PREX2: variants seen among roughly 807,000 people sequenced by gnomAD.
The protein encoded by PREX2 is phosphatidylinositol 3,4,5-trisphosphate-dependent Rac exchanger 2 protein.
PREX2 carries 107 observed loss-of-function variants against 203.2 expected under a neutral mutation model. The observed-to-expected ratio is 0.53, with a 90% CI of 0.45 to 0.62. PREX2 has a LOEUF of 0.62. Among genes scored for constraint, PREX2 ranks in the 20% least tolerant of loss-of-function variants. The pLI is 0.00. For synonymous variants in PREX2, 672 were observed against 663.6 expected (o/e 1.01, Z -0.19); for missense variants, 1,777 against 1,955.9 (o/e 0.91, Z 1.72).
At chr8:68,151,522 C>T (rs1019108705) in intron 34 of PREX2, among the ~76,000 whole-genome samples, 2 of 152,124 alleles carry the variant, frequency 1.3e-5, no homozygotes, top group Non-Finnish European at 2.9e-5. Context: ...ATGTTAAGCA[C>T]GGTCATTTCT....
intron 8 of PREX2, among the ~76,000 whole-genome samples, chr8:68,046,632 A>G (rs1238869830): frequency 6.6e-6 from 1 of 152,132 alleles, no homozygotes; most frequent in African/African-American, 2.4e-5. Flanking sequence ...TAGTTGTCCT[A>G]TGGAACCTCT....
intron 30 of PREX2, among the ~76,000 whole-genome samples, chr8:68,126,536 T>C (rs995604074): frequency 6.6e-5 from 10 of 152,120 alleles, no homozygotes; most frequent in Admixed American, 3.9e-4. Flanking sequence ...TCAGTCTCAC[T>C]TGTAAAATGT....
chr8:67,987,896 A>G (rs948764687), intron 1 of PREX2, among the ~76,000 whole-genome samples: 10 of 143,600 alleles, frequency 7.0e-5, no homozygotes, highest in Non-Finnish European at 1.1e-4. Flanking sequence ...TTCCTCAGGA[A>G]TTGTGGCAGC....
rs1006324502 is a variant in PREX2, at chr8:68,157,894, T to C, written c.4346+458T>C. ...CTTGGTATTGGAAAAATATGTACTT[T>C]CAAATGTGTCCCTTAATGCTTGCAT... On this transcript the variant is annotated intron_variant, in intron 35 of 39. Transcript: ENST00000288368. Among the ~76,000 whole-genome samples, 22 of 151,932 alleles carry C rather than the reference T, an allele frequency of 1.4e-4. 1 individual carries two copies. Among genetic ancestry groups the C allele is most frequent in the African/African-American group, 4.8e-4 (20 of 41,384 alleles).
At chr8:68,097,326 C>CTTTTTTTTTT (rs5892134) in intron 22 of PREX2, 125 bp downstream of exon 22, 1 of 542,462 alleles carries the variant, frequency 1.8e-6, no homozygotes. Context: ...ATTCAAACTT[C>CTTTTTTTTTT]TTTTTTTTTT....
At chr8:68,027,696 A>T (rs1423632140) in intron 5 of PREX2, among the ~76,000 whole-genome samples, 2 of 152,072 alleles carry the variant, frequency 1.3e-5, no homozygotes, top group Non-Finnish European at 2.9e-5. Flanking sequence ...TTAAACTTTG[A>T]TGACTTTGTG....
chr8:68,228,621 C>A (rs1813098657), intron 39 of PREX2, among the ~76,000 whole-genome samples: 1 of 151,888 alleles, frequency 6.6e-6, no homozygotes, highest in Non-Finnish European at 1.5e-5. Flanking sequence ...AAAAAATTAG[C>A]TGGGCATGGT....
At chr8:68,169,207 G>A (rs1435630098) in intron 35 of PREX2, among the ~76,000 whole-genome samples, 1 of 152,096 alleles carries the variant, frequency 6.6e-6, no homozygotes, top group African/African-American at 2.4e-5. Context: ...AGAAGAGAAG[G>A]TGAAACCACC....
At chr8:68,120,897 G>T (rs758020316) in intron 29 of PREX2, 24 bp from the exon 30 acceptor site, 1 of 1,606,350 alleles carries the variant, frequency 6.2e-7, no homozygotes, top group East Asian at 2.2e-5. Context: ...TGAGACTTAA[G>T]AGAGATTTTC....
intron 37 of PREX2, among the ~76,000 whole-genome samples, chr8:68,193,133 T>C (rs1385268718): frequency 6.6e-6 from 1 of 152,216 alleles, no homozygotes; most frequent in Admixed American, 6.5e-5. Context: ...ACATCAGACT[T>C]AGACTCAAAA....
At chr8:68,043,172 G>A (rs1808248168) in intron 7 of PREX2, among the ~76,000 whole-genome samples, 1 of 152,008 alleles carries the variant, frequency 6.6e-6, no homozygotes, top group South Asian at 2.1e-4. Flanking sequence ...ATAGCTACCT[G>A]GGATGAATTC....
intron 1 of PREX2, among the ~76,000 whole-genome samples, chr8:67,954,357 A>AAGCCT (rs1170689546): frequency 1.3e-5 from 2 of 152,210 alleles, no homozygotes; most frequent in Non-Finnish European, 2.9e-5. Context: ...CTGGCTTACA[A>AAGCCT]AGCCTAAGAT....
chr8:68,213,583 A>G (rs993426332), intron 37 of PREX2, among the ~76,000 whole-genome samples: 16 of 152,230 alleles, frequency 1.1e-4, no homozygotes, highest in African/African-American at 3.9e-4. Flanking sequence ...GTGTCCTTCA[A>G]ATTAAATGGG....
rs372810309 is a variant in PREX2, at chr8:68,017,885, G to A, written c.181G>A (p.Val61Ile). 17 of 1,612,818 alleles carry A rather than the reference G, an allele frequency of 1.1e-5. No homozygotes were observed. The Admixed American group carries it at 1.8e-4, about 17-fold the overall frequency. ...AATGAACCAGTGTGCAGCATCAAAA[G>A]TTGACAAAAATGTGACAGAAGAAAC... Reference protein sequence around the residue: ...HRMNQCAASKVDKNVTEETVK... With the variant: ...HRMNQCAASKIDKNVTEETVK... The change falls in exon 2 of 40, where the codon GTT becomes ATT. Residue 61 changes from valine (V) to isoleucine (I), a missense_variant. Coordinates refer to ENST00000288368, the MANE Select transcript of PREX2 (RefSeq NM_024870.4).
chr8:68,146,167 T>C (rs1811322346), intron 33 of PREX2, 42 bp from the exon 34 acceptor site: 2 of 1,412,382 alleles, frequency 1.4e-6, no homozygotes, highest in Non-Finnish European at 2.0e-6. Flanking sequence ...ATCTAGCATA[T>C]CCTTATTTTA....
At chr8:68,009,913 T>A (rs1005786118) in intron 1 of PREX2, among the ~76,000 whole-genome samples, 1 of 152,228 alleles carries the variant, frequency 6.6e-6, no homozygotes, top group South Asian at 2.1e-4. Context: ...CAGATCAGCC[T>A]GTCATTTTAC....
intron 38 of PREX2, among the ~76,000 whole-genome samples, chr8:68,224,111 T>C (rs999202641): frequency 1.3e-5 from 2 of 152,142 alleles, no homozygotes; most frequent in African/African-American, 4.8e-5. Flanking sequence ...CTCAACCTCC[T>C]AGCCTCAAAC....
chr8:68,010,628 T>C (rs1563498588), intron 1 of PREX2, among the ~76,000 whole-genome samples: 1 of 152,164 alleles, frequency 6.6e-6, no homozygotes. Flanking sequence ...GAGGCACATA[T>C]GATTATTAAC....
intron 31 of PREX2, among the ~76,000 whole-genome samples, chr8:68,132,983 T>G (rs2129613380): frequency 6.6e-6 from 1 of 152,310 alleles, no homozygotes; most frequent in East Asian, 1.9e-4. Flanking sequence ...ATTGGTCTAT[T>G]TTCTCACTGC....
Sources: gnomAD v4.1 joint callset for allele counts (sites outside exome capture counted in the v4.1 genomes callset) on GRCh38, gnomAD v4.1.1 for gene constraint, MANE v1.5 for transcripts, NCBI Gene and HGNC (gene_info 2026-07-23, HGNC 2026-07-21) for gene names.